PITPNM3: variants seen among roughly 807,000 people sequenced by gnomAD.
PITPNM3 encodes membrane-associated phosphatidylinositol transfer protein 3.
A neutral mutation model predicts 102.0 loss-of-function variants in PITPNM3; 26 were observed. That is an observed-to-expected ratio of 0.25 (90% CI 0.19 to 0.35). The LOEUF is 0.35. PITPNM3 is among the 10% of genes least tolerant of loss of function. The probability of loss-of-function intolerance (pLI) is 1.00; values close to 1 mark genes in which losing one functional copy is unlikely to be tolerated. For synonymous variants in PITPNM3, 578 were observed against 558.6 expected (o/e 1.03, Z -0.49); for missense variants, 1,083 against 1,346.1 (o/e 0.80, Z 3.06).
rs963822360 is a variant in PITPNM3 at position 6,458,410 on chromosome 17, G to T, written c.2491-688C>A. 1.3e-5 allele frequency among the ~76,000 whole-genome samples: 2 copies of T among 152,038 alleles called. No homozygotes were observed. The highest frequency in any genetic ancestry group is 1.5e-5 in the Non-Finnish European group (1 of 68,008). On this transcript the variant is annotated intron_variant, in intron 18 of 19. Coordinates refer to ENST00000262483, the MANE Select transcript of PITPNM3 (RefSeq NM_031220.4). This position sits in a 1 kb window ranked among gnomAD's most constrained non-coding sequence, Gnocchi z 5.1. ...CAAGCCATTGGAGACTTTGGTCCTGGGTCACAAGCTTTCCTTCCTGCCAAG... is the reference window on the plus strand; with the variant it reads ...CAAGCCATTGGAGACTTTGGTCCTGTGTCACAAGCTTTCCTTCCTGCCAAG...
intron 1 of PITPNM3, among the ~76,000 whole-genome samples, chr17:6,544,584 G>C (rs543698059): frequency 2.0e-5 from 3 of 151,774 alleles, no homozygotes; most frequent in Non-Finnish European, 4.4e-5. Context: ...CCAAGAGTGA[G>C]AGCAGTGCCT....
intron 2 of PITPNM3, among the ~76,000 whole-genome samples, chr17:6,525,725 A>G (rs1392465313): frequency 6.6e-6 from 1 of 152,230 alleles, no homozygotes; most frequent in Non-Finnish European, 1.5e-5. Context: ...CCCCATAGAA[A>G]GTACCATTCC....
At chr17:6,519,639 G>A (rs988165057) in intron 3 of PITPNM3, among the ~76,000 whole-genome samples, 1 of 151,944 alleles carries the variant, frequency 6.6e-6, no homozygotes, top group African/African-American at 2.4e-5. Flanking sequence ...ACACCAGCCT[G>A]GCCAACATGG....
In PITPNM3 at chr17:6,538,080, C is replaced by T; in HGVS notation, c.25G>A (p.Gly9Ser). The change falls in exon 2 of 20, where the codon GGT (glycine) becomes AGT (serine). Residue 9 changes from glycine (G) to serine (S), a missense_variant and splice_region_variant. Gly to Ser is a moderately conservative substitution (Grantham distance 56). Transcript: ENST00000262483. MAKAGRAG[G>S]PPPGGGAPWH... is the part of the protein sequence containing the mutation. ...GGGGCACCGCCGCCCGGGGGAGGACCACCTGTTAAAGGGAACACATCTGTT... is the reference window on the plus strand; with the variant it reads ...GGGGCACCGCCGCCCGGGGGAGGACTACCTGTTAAAGGGAACACATCTGTT... 1 of 1,608,196 alleles carries T rather than the reference C, an allele frequency of 6.2e-7. No individual in the cohort carries two copies. Among genetic ancestry groups the T allele is most frequent in the Non-Finnish European group, 8.5e-7 (1 of 1,174,720 alleles).
chr17:6,512,915 A>G (rs1211715750), intron 3 of PITPNM3, among the ~76,000 whole-genome samples: 2 of 152,220 alleles, frequency 1.3e-5, no homozygotes, highest in African/African-American at 2.4e-5. Context: ...AACCCCAAGC[A>G]TAAAAGAATA....
intron 1 of PITPNM3, among the ~76,000 whole-genome samples, chr17:6,541,761 G>A (rs1909744088): frequency 6.6e-6 from 1 of 152,178 alleles, no homozygotes; most frequent in African/African-American, 2.4e-5. Context: ...CAGTGTCCTT[G>A]AGGTGGGTCC....
Position 6,452,403 on chromosome 17 carries a change from A to G in PITPNM3, c.*2935T>C, listed in dbSNP as rs906858082. ...GAACAAACATGCCACGCAAGAAACA[A>G]GGAGCTTTGGTCAGGCAGGAAGATC... On this transcript the variant is annotated 3_prime_UTR_variant, in exon 20 of 20. Coordinates refer to ENST00000262483, the MANE Select transcript of PITPNM3 (RefSeq NM_031220.4). 1 of 152,200 alleles carries G rather than the reference A, an allele frequency of 6.6e-6. No individual in the cohort carries two copies. The highest frequency in any genetic ancestry group is 2.4e-5 in the African/African-American group (1 of 41,440). The allele number at this position is 152,200 out of a possible 1,614,324, so 9.4% of individuals were successfully genotyped here.
At position 6,472,950 on chromosome 17, in the gene PITPNM3, C is replaced by G. The variant is rs892827677; in HGVS notation, c.1259-123G>C. ...CCTCTCAAGAGCCTCCCCGGGCTCC[C>G]TGCTCCCCACGGGAACAAAGCCATT... On this transcript the variant is annotated intron_variant, in intron 10 of 19. Transcript: ENST00000262483. This position sits in a 1 kb window ranked among gnomAD's most constrained non-coding sequence, Gnocchi z 4.1. The G allele has an allele frequency of 8.4e-7, 1 of 1,193,220 alleles. No individual in the cohort carries two copies. Among genetic ancestry groups the G allele is most frequent in the African/African-American group, 1.5e-5 (1 of 66,004 alleles). The allele number at this position is 1,193,220 out of a possible 1,614,324, so 73.9% of individuals were successfully genotyped here. A position where few individuals can be genotyped will look rare whatever the true frequency, so the allele number is the denominator to read the frequency against.
chr17:6,551,298 C>G (rs543675512), intron 1 of PITPNM3, among the ~76,000 whole-genome samples: 114 of 151,208 alleles, frequency 7.5e-4, no homozygotes, highest in Non-Finnish European at 1.4e-3. Context: ...TGGAGCTTGC[C>G]GTGAGCTGAG....
intron 2 of PITPNM3, among the ~76,000 whole-genome samples, chr17:6,533,814 A>G (rs1273416009): frequency 2.6e-5 from 4 of 152,000 alleles, no homozygotes; most frequent in Non-Finnish European, 4.4e-5. Context: ...TACCACCACC[A>G]CTAGGCTATG....
chr17:6,543,962 C>A (rs1043968496), intron 1 of PITPNM3, among the ~76,000 whole-genome samples: 2 of 152,206 alleles, frequency 1.3e-5, no homozygotes, highest in Admixed American at 6.5e-5. Flanking sequence ...ACTTTCTCCT[C>A]AAGGGTAAGG....
chr17:6,530,204 C>T (rs1909069177), intron 2 of PITPNM3, among the ~76,000 whole-genome samples: 1 of 152,210 alleles, frequency 6.6e-6, no homozygotes, highest in South Asian at 2.1e-4. Flanking sequence ...ATATCATTTT[C>T]TTCTGTTCCC....
At chr17:6,467,080 C>CAAAACAAAA (rs752960279) in intron 14 of PITPNM3, among the ~76,000 whole-genome samples, 6 of 61,000 alleles carry the variant, frequency 9.8e-5, no homozygotes, top group East Asian at 3.7e-4. Flanking sequence ...AAAAAAAAAA[C>CAAAACAAAA]CAAAAAAAAA....
At chr17:6,484,360 C>T (rs1905942148) in intron 4 of PITPNM3, 68 bp from the exon 5 acceptor site, 1 of 1,472,008 alleles carries the variant, frequency 6.8e-7, no homozygotes, top group South Asian at 1.1e-5. Context: ...CTCCCTGGGC[C>T]CAGCTGGCCC....
intron 2 of PITPNM3, among the ~76,000 whole-genome samples, chr17:6,528,390 C>A (rs111274475): frequency 3.3e-5 from 5 of 152,092 alleles, no homozygotes; most frequent in Non-Finnish European, 5.9e-5. Context: ...CTCTCCAGCC[C>A]CCTGCTCCCT....
At chr17:6,527,217 G>A (rs77382992) in intron 2 of PITPNM3, among the ~76,000 whole-genome samples, 7,936 of 152,274 alleles carry the variant, frequency 0.052, 440 homozygotes, top group East Asian at 0.16. Flanking sequence ...CAAATATGAG[G>A]TGATATTATT....
At chr17:6,508,397 T>TC (rs1371211540) in intron 3 of PITPNM3, among the ~76,000 whole-genome samples, 1 of 152,148 alleles carries the variant, frequency 6.6e-6, no homozygotes, top group Non-Finnish European at 1.5e-5. Context: ...TAAAGTCACT[T>TC]CCCCAACGTT....
chr17:6,525,018 C>T (rs1170535377), intron 3 of PITPNM3, among the ~76,000 whole-genome samples: 2 of 152,180 alleles, frequency 1.3e-5, no homozygotes, highest in Non-Finnish European at 2.9e-5. Context: ...CAACTGTCAC[C>T]CTCCTTATTC....
At chr17:6,498,119 G>A (rs982664355) in intron 4 of PITPNM3, among the ~76,000 whole-genome samples, 6 of 152,204 alleles carry the variant, frequency 3.9e-5, no homozygotes, top group Admixed American at 6.5e-5. Flanking sequence ...CAGCAGGAGG[G>A]GTGAGCCGGG....
Sources: allele counts gnomAD v4.1 joint callset (sites outside exome capture counted in the v4.1 genomes callset), GRCh38; gene constraint gnomAD v4.1.1; non-coding constraint Gnocchi (gnomAD v3.1); transcripts MANE v1.5; gene names NCBI Gene and HGNC (gene_info 2026-07-23, HGNC 2026-07-21).